Variants in TBL1X observed in about 807,000 individuals in gnomAD.
The protein encoded by TBL1X is transducin beta like 1 X-linked.
Under a neutral mutation model 50.7 loss-of-function variants are expected in TBL1X, and 10 were observed. The ratio of observed to expected loss-of-function variants is 0.20; its 90% CI spans 0.12 to 0.33. TBL1X has a LOEUF of 0.33. Among genes scored for constraint, TBL1X ranks in the 10% least tolerant of loss-of-function variants. The probability of loss-of-function intolerance (pLI) is 1.00; values close to 1 mark genes in which losing one functional copy is unlikely to be tolerated. For synonymous variants in TBL1X, 190 were observed against 214.7 expected (o/e 0.88, Z 1.01); for missense variants, 340 against 504.4 (o/e 0.67, Z 3.12).
chrX:9,509,110 G>A (rs1010444119), intron 2 of TBL1X, among the ~76,000 whole-genome samples: 3 of 107,958 alleles, frequency 2.8e-5, no homozygotes, highest in Non-Finnish European at 5.7e-5. Context: ...AGAAAAAGCC[G>A]GGTGCGGTGG....
intron 3 of TBL1X, among the ~76,000 whole-genome samples, chrX:9,647,224 A>G (rs2082809680): frequency 9.0e-6 from 1 of 111,583 alleles, no homozygotes. Context: ...ACTATAAATA[A>G]TCTCCCCTTC....
chrX:9,691,860 G>A (rs914773480), intron 8 of TBL1X, 149 bp downstream of exon 8: 20 of 883,296 alleles, frequency 2.3e-5, no homozygotes, highest in Non-Finnish European at 2.8e-5. Flanking sequence ...GGCTCTATGA[G>A]CCACTTCTCT....
intron 1 of TBL1X, among the ~76,000 whole-genome samples, chrX:9,500,900 G>T (rs1016899782): frequency 7.1e-5 from 8 of 112,021 alleles, no homozygotes; most frequent in African/African-American, 2.6e-4. Context: ...ACTGGGTTAA[G>T]GAGTGCTACT....
Position 9,652,476 on chromosome X carries a change from C to T in TBL1X, c.-42-1069C>T, listed in dbSNP as rs1173778809. ...CCTAAACAAACAAAAACTCAATCCTCATTCAACAATGAAAGTTTTGCTGCC... is the reference window on the plus strand; with the variant it reads ...CCTAAACAAACAAAAACTCAATCCTTATTCAACAATGAAAGTTTTGCTGCC... On this transcript the variant is annotated intron_variant, in intron 3 of 17. Transcript: ENST00000645353. Among the ~76,000 whole-genome samples, 4 of 112,488 alleles carry T rather than the reference C, an allele frequency of 3.6e-5. No individual in the cohort carries two copies. In the East Asian group the frequency reaches 1.1e-3, roughly 31 times the overall value.
At chrX:9,513,011 G>A (rs753218007) in intron 2 of TBL1X, among the ~76,000 whole-genome samples, 241 of 110,659 alleles carry the variant, frequency 2.2e-3, no homozygotes, top group African/African-American at 7.6e-3. Flanking sequence ...ACCTTATGCG[G>A]CTCCTTTGCT....
intron 1 of TBL1X, among the ~76,000 whole-genome samples, chrX:9,468,697 CATT>C (rs772033668): frequency 7.3e-5 from 8 of 110,329 alleles, no homozygotes; most frequent in Non-Finnish European, 1.5e-4. Context: ...ACTTCTCTAA[CATT>C]AATTTTCTCA....
intron 2 of TBL1X, among the ~76,000 whole-genome samples, chrX:9,573,422 G>A (rs1029983904): frequency 4.8e-4 from 54 of 112,316 alleles, no homozygotes; most frequent in African/African-American, 1.7e-3. Flanking sequence ...TTATTTACAT[G>A]GGATATTGTC....
At chrX:9,704,944 G>T in intron 12 of TBL1X, 49 bp from the exon 13 acceptor site, 1 of 1,207,736 alleles carries the variant, frequency 8.3e-7, no homozygotes, top group South Asian at 1.8e-5. Context: ...TAAATCCATG[G>T]AGCTGTGCAA....
chrX:9,612,859 A>G (rs1307769191), intron 2 of TBL1X, among the ~76,000 whole-genome samples: 1 of 111,661 alleles, frequency 9.0e-6, no homozygotes, highest in Admixed American at 9.6e-5. Context: ...ATATACAAAA[A>G]ATTTTAAAAA....
intron 5 of TBL1X, among the ~76,000 whole-genome samples, chrX:9,674,400 A>G (rs1249944634): frequency 9.1e-6 from 1 of 110,390 alleles, no homozygotes; most frequent in Admixed American, 9.6e-5. Context: ...AGCTGGGACC[A>G]CAGGAATGTG....
intron 2 of TBL1X, among the ~76,000 whole-genome samples, chrX:9,572,389 T>G (rs2082390709): frequency 8.9e-6 from 1 of 112,896 alleles, no homozygotes; most frequent in Non-Finnish European, 1.9e-5. Context: ...CTGAATTTGC[T>G]TTTCTTTTTC....
intron 5 of TBL1X, among the ~76,000 whole-genome samples, chrX:9,660,447 T>C (rs181198254): frequency 6.7e-4 from 75 of 112,281 alleles, no homozygotes; most frequent in African/African-American, 2.3e-3. Context: ...GTCACCATAA[T>C]AAATGGTAAA....
chrX:9,711,236 T>C (rs755465808), intron 15 of TBL1X, among the ~76,000 whole-genome samples: 1 of 107,357 alleles, frequency 9.3e-6, no homozygotes, highest in African/African-American at 3.4e-5. Context: ...GCTTCTCTGC[T>C]GAGGCTGAGG....
intron 2 of TBL1X, among the ~76,000 whole-genome samples, chrX:9,552,362 G>A (rs1372672819): frequency 1.8e-5 from 2 of 111,741 alleles, no homozygotes; most frequent in African/African-American, 3.3e-5. Flanking sequence ...GTACATGTGA[G>A]CGTGAAATAA....
intron 7 of TBL1X, among the ~76,000 whole-genome samples, chrX:9,689,251 G>A (rs2083082947): frequency 8.9e-6 from 1 of 112,286 alleles, no homozygotes; most frequent in Admixed American, 9.3e-5. Context: ...TACCTGGTAC[G>A]TCTTGGCTCC....
chrX:9,467,265 G>A (rs1173618944), intron 1 of TBL1X, among the ~76,000 whole-genome samples: 3 of 111,426 alleles, frequency 2.7e-5, no homozygotes, highest in African/African-American at 6.5e-5. Context: ...GGTCCCGAGG[G>A]TCAGGAATTC....
intron 2 of TBL1X, among the ~76,000 whole-genome samples, chrX:9,616,393 A>G (rs753015356): frequency 8.9e-6 from 1 of 111,839 alleles, no homozygotes; most frequent in East Asian, 2.8e-4. Flanking sequence ...TGAAAAAACA[A>G]TTTTTTTCTA....
intron 5 of TBL1X, among the ~76,000 whole-genome samples, chrX:9,663,676 G>A (rs1462036372): frequency 2.8e-5 from 3 of 108,437 alleles, no homozygotes; most frequent in African/African-American, 6.8e-5. Context: ...CAGGAGAAAC[G>A]CTGGAACCCA....
intron 1 of TBL1X, among the ~76,000 whole-genome samples, chrX:9,475,508 A>C (rs1420462955): frequency 9.3e-6 from 1 of 107,863 alleles, no homozygotes; most frequent in African/African-American, 3.4e-5. Context: ...GGCCTCCCAA[A>C]GTGCTGGAAT....
Sources: gnomAD v4.1 joint callset for allele counts (sites outside exome capture counted in the v4.1 genomes callset) on GRCh38, gnomAD v4.1.1 for gene constraint, MANE v1.5 for transcripts, NCBI Gene and HGNC (gene_info 2026-07-23, HGNC 2026-07-21) for gene names.